The following IFIH1 variants were observed in gnomAD, a reference collection of about 807,000 sequenced individuals.
IFIH1 encodes the protein interferon induced with helicase C domain 1.
In IFIH1, 125 loss-of-function variants were observed where a neutral mutation model predicts 107.4. The observed-to-expected ratio is 1.16, with a 90% CI of 1.01 to 1.35. IFIH1 has a LOEUF of 1.35. Ranked by LOEUF, IFIH1 falls within the 40% of genes most tolerant of loss-of-function variation. The pLI is 0.00. For missense variants in IFIH1, 1,333 were observed against 1,213.7 expected (o/e 1.10, Z -1.46); for synonymous variants, 458 against 413.2 (o/e 1.11, Z -1.31).
At chr2:162,302,567 T>C (rs12479125) in intron 3 of IFIH1, among the ~76,000 whole-genome samples, 5,245 of 152,294 alleles carry the variant, frequency 0.034, 441 homozygotes, top group Admixed American at 0.21. Flanking sequence ...ACTTTCACAT[T>C]TACCTTGATT....
intron 3 of IFIH1, among the ~76,000 whole-genome samples, chr2:162,304,381 G>C (rs898383731): frequency 6.6e-6 from 1 of 152,182 alleles, no homozygotes; most frequent in African/African-American, 2.4e-5. Flanking sequence ...AGGATCACTT[G>C]CGCCTGGGAG....
intron 13 of IFIH1, among the ~76,000 whole-genome samples, chr2:162,268,736 C>A (rs1356746417): frequency 6.6e-6 from 1 of 152,016 alleles, no homozygotes; most frequent in African/African-American, 2.4e-5. Flanking sequence ...ATTCCAGGCA[C>A]CTGCCACCAT....
rs1690943601 is a variant in IFIH1, at chr2:162,267,331, T to C, written c.2947A>G (p.Lys983Glu). 6 of 1,612,858 alleles carry C rather than the reference T, an allele frequency of 3.7e-6. No homozygotes were observed. In the South Asian group the frequency reaches 5.5e-5, roughly 15 times the overall value. ...AAAACCACTACAAAATTCCTTATTT[T>C]GAGACAAGGCAAATCTAAGCCTTTG... ...VHKGLDLPCLKIRNFVVVFKN... is the reference protein window; with the variant it reads ...VHKGLDLPCLEIRNFVVVFKN... The change falls in exon 16 of 16, where the codon AAA (lysine) becomes GAA (glutamate). Residue 983 changes from lysine (K) to glutamate (E), a missense_variant. Physicochemically the swap from Lys to Glu is moderately conservative, Grantham distance 56. Coordinates refer to ENST00000649979, the MANE Select transcript of IFIH1 (RefSeq NM_022168.4).
At chr2:162,297,080 C>A (rs937030128) in intron 3 of IFIH1, among the ~76,000 whole-genome samples, 3 of 151,892 alleles carry the variant, frequency 2.0e-5, no homozygotes, top group Non-Finnish European at 4.4e-5. Context: ...TATTGTATTT[C>A]TTATAATAGG....
In IFIH1 at chr2:162,318,604, C is replaced by A. The variant is rs1683563879; in HGVS notation, c.-297G>T. The A allele has an allele frequency of 4.9e-6, 1 of 202,186 alleles. No individual in the cohort carries two copies. Among genetic ancestry groups the A allele is most frequent in the South Asian group, 1.7e-4 (1 of 5,984 alleles). 12.5% of individuals were successfully genotyped at this position (202,186 alleles called of 1,614,324 possible). A position where few individuals can be genotyped will look rare whatever the true frequency, so the allele number is the denominator to read the frequency against. ...GGACTCTGCGGTGTGCGCCTGGGGT[C>A]CCGGACCGGGGCGATCCTGCTGCAC... On this transcript the variant is annotated 5_prime_UTR_variant, in exon 1 of 16. Coordinates refer to ENST00000649979, the MANE Select transcript of IFIH1 (RefSeq NM_022168.4).
chr2:162,276,878 T>C lies in IFIH1; in HGVS notation c.2113A>G (p.Arg705Gly). ...EYENEKLTKLRNTIMEQYTRT... is the reference protein window; with the variant it reads ...EYENEKLTKLGNTIMEQYTRT... ...GTATATTGCTCCATTATGGTATTTCTTAATTTGGTCAGCTTTTCATTTTCA... is the reference window on the plus strand; with the variant it reads ...GTATATTGCTCCATTATGGTATTTCCTAATTTGGTCAGCTTTTCATTTTCA... The change falls in exon 11 of 16, where the codon AGA (arginine) becomes GGA (glycine). Residue 705 changes from arginine to glycine, a missense_variant. Arg to Gly is a moderately radical substitution (Grantham distance 125). Transcript: ENST00000649979. 6.2e-7 allele frequency: 1 copy of C among 1,613,284 alleles called. No homozygotes were observed. The highest frequency in any genetic ancestry group is 8.5e-7 in the Non-Finnish European group (1 of 1,179,642).
intron 3 of IFIH1, among the ~76,000 whole-genome samples, chr2:162,298,964 G>A (rs1426385244): frequency 1.3e-5 from 2 of 152,068 alleles, no homozygotes; most frequent in Non-Finnish European, 2.9e-5. Context: ...CACTCTCCTA[G>A]AGCCACAGGC....
chr2:162,267,127 A>T lies in IFIH1; in HGVS notation c.*73T>A, dbSNP rs1371547788. 5.4e-6 allele frequency: 6 copies of T among 1,106,700 alleles called. No homozygotes were observed. The highest frequency in any genetic ancestry group is 7.8e-6 in the Non-Finnish European group (6 of 768,468). 68.6% of individuals were successfully genotyped at this position (1,106,700 alleles called of 1,614,324 possible). The stretch of plus-strand genomic sequence containing the variant: ...TTGATTCTTATGTCAGTTCTGTAGC[A>T]TAATGAATACATTAATCATAATCAT... On this transcript the variant is annotated 3_prime_UTR_variant, in exon 16 of 16. Coordinates refer to ENST00000649979, the MANE Select transcript of IFIH1 (RefSeq NM_022168.4).
chr2:162,286,627 C>T (rs933363533), intron 5 of IFIH1, among the ~76,000 whole-genome samples: 1 of 147,942 alleles, frequency 6.8e-6, no homozygotes, highest in Non-Finnish European at 1.5e-5. Flanking sequence ...GGAAGAGGAG[C>T]CTTTGGGAGG....
At chr2:162,298,783 C>T (rs1435428497) in intron 3 of IFIH1, among the ~76,000 whole-genome samples, 1 of 149,898 alleles carries the variant, frequency 6.7e-6, no homozygotes, top group African/African-American at 2.5e-5. Flanking sequence ...CACACGCACG[C>T]GCGCGCGCAC....
chr2:162,294,046 C>A (rs13405799), intron 3 of IFIH1, among the ~76,000 whole-genome samples: 1 of 151,774 alleles, frequency 6.6e-6, no homozygotes, highest in Non-Finnish European at 1.5e-5. Context: ...CCTTTGAGGT[C>A]TTTTCATTTA....
chr2:162,286,116 G>A (rs1682889231), intron 5 of IFIH1, among the ~76,000 whole-genome samples: 1 of 151,988 alleles, frequency 6.6e-6, no homozygotes, highest in Admixed American at 6.6e-5. Context: ...GTCTGAAGGA[G>A]TATGAGCACT....
Position 162,268,291 on chromosome 2 carries a change from G to A in IFIH1, c.2617-14C>T. On this transcript the variant is annotated splice_polypyrimidine_tract_variant and intron_variant, in intron 13 of 15. Transcript: ENST00000649979. ...TAATTCCAAAATCTGGACAGAGAAA[G>A]GAATAGTTAGTGGTTTCAGGTTTGT... The A allele has an allele frequency of 6.4e-7, 1 of 1,552,964 alleles. No homozygotes were observed. Among genetic ancestry groups the A allele is most frequent in the Non-Finnish European group, 8.8e-7 (1 of 1,133,308 alleles).
intron 2 of IFIH1, among the ~76,000 whole-genome samples, chr2:162,308,381 C>CT (rs1009566916): frequency 0.054 from 7,626 of 141,708 alleles, 270 homozygotes; most frequent in Non-Finnish European, 0.073. Context: ...TTCATTTAAT[C>CT]TTTTTTTTTT....
In IFIH1 at chr2:162,318,023, C is replaced by G. The variant is rs748006043; in HGVS notation, c.285G>C (p.Met95Ile). The G allele has an allele frequency of 6.2e-6, 10 of 1,614,042 alleles. No individual in the cohort carries two copies. The Admixed American group carries it at 1.2e-4, about 19-fold the overall frequency. Reference protein sequence around the residue: ...RTGSPLAARYMNPELTDLPSP... With the variant: ...RTGSPLAARYINPELTDLPSP... ...AGGGCAAGTCCGTGAGCTCAGGGTTCATGTAGCGGGCGGCCAGAGGGCTGC... is the reference window on the plus strand; with the variant it reads ...AGGGCAAGTCCGTGAGCTCAGGGTTGATGTAGCGGGCGGCCAGAGGGCTGC... Residue 95 changes from methionine to isoleucine, a missense_variant, in exon 1 of 16, where the codon ATG becomes ATC. Coordinates refer to ENST00000649979, the MANE Select transcript of IFIH1 (RefSeq NM_022168.4).
chr2:162,293,489 G>A, intron 4 of IFIH1, 75 bp downstream of exon 4: 2 of 858,242 alleles, frequency 2.3e-6, no homozygotes, highest in Non-Finnish European at 3.8e-6. Flanking sequence ...GGGAGGGTAT[G>A]AACAGCCCCC....
chr2:162,273,004 AT>A (rs1342019307), intron 12 of IFIH1, among the ~76,000 whole-genome samples: 1 of 152,218 alleles, frequency 6.6e-6, no homozygotes, highest in African/African-American at 2.4e-5. Context: ...TCTAAGTTTG[AT>A]TACTAAGCTT....
intron 13 of IFIH1, among the ~76,000 whole-genome samples, chr2:162,271,882 A>C (rs1691047452): frequency 6.6e-6 from 1 of 152,158 alleles, no homozygotes; most frequent in African/African-American, 2.4e-5. Flanking sequence ...TACATTTCTG[A>C]AATTAAAAAA....
At chr2:162,313,872 A>G (rs1362749339) in intron 1 of IFIH1, among the ~76,000 whole-genome samples, 2 of 152,090 alleles carry the variant, frequency 1.3e-5, no homozygotes, top group African/African-American at 4.8e-5. Context: ...CAGACAATAC[A>G]ATGTTCCTGG....
Sources: allele counts gnomAD v4.1 joint callset (sites outside exome capture counted in the v4.1 genomes callset), GRCh38; gene constraint gnomAD v4.1.1; transcripts MANE v1.5; gene names NCBI Gene and HGNC (gene_info 2026-07-23, HGNC 2026-07-21).